PCDH15: variants seen among roughly 807,000 people sequenced by gnomAD.
PCDH15 encodes protocadherin-15.
In PCDH15, 129 loss-of-function variants were observed where a neutral mutation model predicts 178.5. The observed-to-expected ratio is 0.72, with a 90% CI of 0.63 to 0.84. PCDH15 has a LOEUF of 0.84. Among genes scored for constraint, PCDH15 ranks in the 40% least tolerant of loss-of-function variants. The probability of loss-of-function intolerance (pLI) is 0.00; values close to 1 mark genes in which losing one functional copy is unlikely to be tolerated. For synonymous variants in PCDH15, 800 were observed against 732.0 expected, an observed-to-expected ratio of 1.09 and a Z score of -1.50; for missense variants, 2,230 against 2,099.9, an observed-to-expected ratio of 1.06 and a Z score of -1.21.
rs1554941879 is a variant in PCDH15, at chr10:54,380,731, T to TATATAC, written c.158-1790_158-1789insGTATAT. On this transcript the variant is annotated intron_variant, in intron 3 of 37. Coordinates refer to ENST00000644397, the MANE Select transcript of PCDH15 (RefSeq NM_001384140.1). Reference sequence around the variant, plus strand: ...ATATATATATATATATATATATATATATATATATATATATATGCTCCAAGC... The same window carrying TATATAC: ...ATATATATATATATATATATATATATATATACATATATATATATATATGCTCCAAGC... Among the ~76,000 whole-genome samples, 171 of 51,992 alleles carry TATATAC rather than the reference T, an allele frequency of 3.3e-3. 2 individuals are homozygous for TATATAC. In the Middle Eastern group the frequency reaches 0.044, roughly 13 times the overall value. The allele number at this position is 51,992 out of a possible 152,430, so 34.1% of individuals were successfully genotyped here. A position where few individuals can be genotyped will look rare whatever the true frequency, so the allele number is the denominator to read the frequency against.
At chr10:53,982,333 G>T (rs2090720595) in intron 21 of PCDH15, among the ~76,000 whole-genome samples, 3 of 152,088 alleles carry the variant, frequency 2.0e-5, no homozygotes, top group Admixed American at 1.3e-4. Flanking sequence ...TATACCCAAA[G>T]AATTATAAAT....
At chr10:53,983,218 G>C (rs1338231556) in intron 21 of PCDH15, among the ~76,000 whole-genome samples, 1 of 151,632 alleles carries the variant, frequency 6.6e-6, no homozygotes, top group Non-Finnish European at 1.5e-5. Flanking sequence ...AAAGTGGTTT[G>C]GGTGTGTGTG....
chr10:55,229,685 A>G (rs936289347), intron 1 of PCDH15, among the ~76,000 whole-genome samples: 2 of 152,094 alleles, frequency 1.3e-5, no homozygotes, highest in Non-Finnish European at 2.9e-5. Flanking sequence ...TTTACTTCAA[A>G]CATTGTATAG....
intron 28 of PCDH15, among the ~76,000 whole-genome samples, chr10:53,850,838 A>G (rs2078308602): frequency 2.6e-5 from 4 of 152,124 alleles, no homozygotes; most frequent in African/African-American, 9.7e-5. Flanking sequence ...GAAAATTGGC[A>G]TGTAATAGAC....
At chr10:53,910,671 G>A (rs1182776024) in intron 25 of PCDH15, among the ~76,000 whole-genome samples, 1 of 152,152 alleles carries the variant, frequency 6.6e-6, no homozygotes, top group Non-Finnish European at 1.5e-5. Flanking sequence ...ACTTTGATGA[G>A]TTGACAGAAG....
intron 2 of PCDH15, among the ~76,000 whole-genome samples, chr10:55,562,206 T>C (rs577810786): frequency 6.6e-6 from 1 of 152,068 alleles, no homozygotes; most frequent in South Asian, 2.1e-4. Flanking sequence ...AACACAGAAC[T>C]TCAGTTTAGC....
chr10:55,330,587 T>G (rs2132309865), intron 2 of PCDH15, among the ~76,000 whole-genome samples: 1 of 152,028 alleles, frequency 6.6e-6, no homozygotes. Context: ...GCTGTTATTT[T>G]TAACATAAAT....
At chr10:54,567,927 C>T (rs2089277034) in intron 2 of PCDH15, among the ~76,000 whole-genome samples, 1 of 152,146 alleles carries the variant, frequency 6.6e-6, no homozygotes, top group South Asian at 2.1e-4. Context: ...CCAGCATCTG[C>T]TGAAACTACT....
intron 5 of PCDH15, 32 bp from the exon 6 acceptor site, chr10:54,346,516 T>G (rs746971531): frequency 2.5e-6 from 4 of 1,610,408 alleles, no homozygotes. Flanking sequence ...AATATCAATT[T>G]TCATTTTATC....
intron 2 of PCDH15, among the ~76,000 whole-genome samples, chr10:55,028,811 A>G (rs548805226): frequency 1.3e-5 from 2 of 152,006 alleles, no homozygotes; most frequent in Non-Finnish European, 2.9e-5. Flanking sequence ...AAGATCGTAC[A>G]TGTTTATCTG....
At chr10:54,225,770 T>C (rs1175991283) in intron 9 of PCDH15, among the ~76,000 whole-genome samples, 2 of 152,234 alleles carry the variant, frequency 1.3e-5, no homozygotes, top group Admixed American at 6.5e-5. Flanking sequence ...TTTAGGGGCA[T>C]AGACCCATGC....
intron 13 of PCDH15, among the ~76,000 whole-genome samples, chr10:54,178,984 T>G (rs1335243718): frequency 1.3e-5 from 2 of 152,138 alleles, no homozygotes; most frequent in Non-Finnish European, 2.9e-5. Context: ...TGTAAACTAG[T>G]TCAACCATTG....
intron 2 of PCDH15, among the ~76,000 whole-genome samples, chr10:55,166,054 G>A (rs1839188777): frequency 2.0e-5 from 3 of 152,054 alleles, no homozygotes; most frequent in East Asian, 1.9e-4. Context: ...TATTTCTTCT[G>A]TAATTGAAGC....
At chr10:54,035,258 A>G (rs2093389229) in intron 18 of PCDH15, among the ~76,000 whole-genome samples, 1 of 151,902 alleles carries the variant, frequency 6.6e-6, no homozygotes, top group Non-Finnish European at 1.5e-5. Flanking sequence ...ACGTGGCTTT[A>G]TTGTGCTTCA....
intron 3 of PCDH15, among the ~76,000 whole-genome samples, chr10:54,386,096 TTAGTTGTGTGTG>T (rs1403719486): frequency 2.4e-5 from 3 of 124,196 alleles, no homozygotes; most frequent in African/African-American, 6.1e-5. Context: ...AATTTAGTTA[TTAGTTGTGTGTG>T]TGTGTGTGTG....
chr10:54,215,843 C>T (rs2051971551), intron 9 of PCDH15, among the ~76,000 whole-genome samples: 1 of 150,500 alleles, frequency 6.6e-6, no homozygotes, highest in Non-Finnish European at 1.5e-5. Context: ...AGATCCAGAC[C>T]ATCTTGCCTG....
intron 9 of PCDH15, among the ~76,000 whole-genome samples, chr10:54,220,963 G>A (rs1259148138): frequency 6.6e-6 from 1 of 151,740 alleles, no homozygotes; most frequent in African/African-American, 2.4e-5. Context: ...TTCCAGCGAG[G>A]ACTAAGAACA....
At chr10:55,088,410 A>G (rs1842230496) in intron 2 of PCDH15, among the ~76,000 whole-genome samples, 1 of 151,910 alleles carries the variant, frequency 6.6e-6, no homozygotes, top group Non-Finnish European at 1.5e-5. Context: ...CTGGGACTAC[A>G]GTTGTGCGCC....
At chr10:54,589,264 A>G (rs189798699) in intron 2 of PCDH15, among the ~76,000 whole-genome samples, 62 of 152,264 alleles carry the variant, frequency 4.1e-4, no homozygotes, top group South Asian at 2.7e-3. Flanking sequence ...GTCTTTATCA[A>G]ACACAACAAA....
Sources: gnomAD v4.1 joint callset for allele counts (sites outside exome capture counted in the v4.1 genomes callset) on GRCh38, gnomAD v4.1.1 for gene constraint, MANE v1.5 for transcripts, NCBI Gene and HGNC (gene_info 2026-07-23, HGNC 2026-07-21) for gene names.